RTTN: variants seen among roughly 807,000 people sequenced by gnomAD.
RTTN encodes the protein rotatin.
In RTTN, 182 loss-of-function variants were observed where a neutral mutation model predicts 269.2. The ratio of observed to expected loss-of-function variants is 0.68; its 90% CI spans 0.60 to 0.76. The LOEUF (loss-of-function observed/expected upper bound fraction) is 0.76. RTTN is among the 30% of genes least tolerant of loss of function. The pLI is 0.00. For synonymous variants in RTTN, 1,006 were observed against 963.5 expected (o/e 1.04, Z -0.82); for missense variants, 2,545 against 2,608.6 (o/e 0.98, Z 0.53).
Position 70,073,902 on chromosome 18 carries a change from G to A in RTTN, c.4653+4C>T, listed in dbSNP as rs766665013. The A allele has an allele frequency of 6.2e-7, 1 of 1,604,214 alleles. No individual in the cohort carries two copies. The highest frequency in any genetic ancestry group is 8.5e-7 in the Non-Finnish European group (1 of 1,171,664). On this transcript the variant is annotated splice_donor_region_variant and intron_variant, in intron 34 of 48. Coordinates refer to ENST00000640769, the MANE Select transcript of RTTN (RefSeq NM_173630.4). ...TAAAGGACTTATGCATTCTTTGCAA[G>A]TACCGTTGTTTCTGAGGTGGAGAGA...
At chr18:70,184,551 T>TA (rs901229835) in intron 10 of RTTN, among the ~76,000 whole-genome samples, 25 of 151,272 alleles carry the variant, frequency 1.7e-4, no homozygotes, top group Middle Eastern at 3.2e-3. Flanking sequence ...GATTCCATGT[T>TA]AAAAAAAATA....
intron 48 of RTTN, 71 bp from the exon 49 acceptor site, chr18:70,004,307 CAT>C: frequency 1.0e-6 from 1 of 991,246 alleles, no homozygotes; most frequent in Non-Finnish European, 1.6e-6. Flanking sequence ...GAGGCACACA[CAT>C]AAACAAATAC....
chr18:70,169,383 T>C (rs1156795147), intron 11 of RTTN, among the ~76,000 whole-genome samples: 2 of 152,216 alleles, frequency 1.3e-5, no homozygotes, highest in African/African-American at 4.8e-5. Flanking sequence ...ACCTCTGCTA[T>C]TGAACTAAGG....
At chr18:70,122,258 A>C (rs1599657718) in intron 25 of RTTN, among the ~76,000 whole-genome samples, 1 of 142,054 alleles carries the variant, frequency 7.0e-6, no homozygotes, top group Non-Finnish European at 1.6e-5. Flanking sequence ...AGATTTCTTT[A>C]AAAAAAAAAA....
intron 45 of RTTN, chr18:70,019,962 G>A (rs2056653885): frequency 6.6e-6 from 1 of 152,186 alleles, no homozygotes; most frequent in Non-Finnish European, 1.5e-5. Context: ...TACAATACTA[G>A]TAAGTAGTAT....
At chr18:70,019,690 T>C (rs2056646794) in intron 45 of RTTN, 1 of 152,180 alleles carries the variant, frequency 6.6e-6, no homozygotes, top group South Asian at 2.1e-4. Flanking sequence ...TTTATAAAAT[T>C]CCTGCAAATT....
At chr18:70,107,379 T>C (rs763313112) in intron 28 of RTTN, among the ~76,000 whole-genome samples, 1 of 152,234 alleles carries the variant, frequency 6.6e-6, no homozygotes, top group Non-Finnish European at 1.5e-5. Flanking sequence ...AAGATTTAGA[T>C]TGGCTGTAGT....
At position 70,128,302 on chromosome 18, in the gene RTTN, T is replaced by G. The variant is rs2059916645; in HGVS notation, c.3143+56A>C. 3.5e-6 allele frequency: 5 copies of G among 1,434,058 alleles called. No homozygotes were observed. In the South Asian group the frequency reaches 6.7e-5, roughly 19 times the overall value. 88.8% of individuals were successfully genotyped at this position (1,434,058 alleles called of 1,614,324 possible). A position where few individuals can be genotyped will look rare whatever the true frequency, so the allele number is the denominator to read the frequency against. ...ACCTAAGGAAAAAGTAAAACTTAAC[T>G]AATTAATTACAATTAATTAATTGCA... is the stretch of plus-strand genomic sequence containing the variant. On this transcript the variant is annotated intron_variant, in intron 24 of 48. Coordinates refer to ENST00000640769, the MANE Select transcript of RTTN (RefSeq NM_173630.4).
intron 40 of RTTN, among the ~76,000 whole-genome samples, chr18:70,046,473 T>C (rs2057494685): frequency 6.6e-6 from 1 of 152,148 alleles, no homozygotes; most frequent in Admixed American, 6.5e-5. Flanking sequence ...TATAATTAAA[T>C]TACATAGGGG....
At chr18:70,167,890 T>C (rs1351995590) in intron 12 of RTTN, among the ~76,000 whole-genome samples, 1 of 152,116 alleles carries the variant, frequency 6.6e-6, no homozygotes, top group Non-Finnish European at 1.5e-5. Context: ...CTAACACCTT[T>C]AATCCTAGCA....
At position 70,128,470 on chromosome 18, in the gene RTTN, A is replaced by C; in HGVS notation, c.3031T>G (p.Cys1011Gly). ...YSIVLPLSAD[C>G]LALKPVSDML... ...TCTGACACCGGCTTCAAGGCCAAAC[A>C]ATCAGCAGATAAGGGCAAAACTATG... Residue 1011 changes from cysteine to glycine, a missense_variant, in exon 24 of 49, where the codon TGT becomes GGT. Coordinates refer to ENST00000640769, the MANE Select transcript of RTTN (RefSeq NM_173630.4). The C allele has an allele frequency of 6.2e-7, 1 of 1,613,308 alleles. No individual in the cohort carries two copies. The highest frequency in any genetic ancestry group is 8.5e-7 in the Non-Finnish European group (1 of 1,179,548).
chr18:70,204,142 A>G lies in RTTN; in HGVS notation c.341T>C (p.Leu114Pro). 4 of 1,614,134 alleles carry G rather than the reference A, an allele frequency of 2.5e-6. No homozygotes were observed. The highest frequency in any genetic ancestry group is 1.3e-5 in the African/African-American group (1 of 75,052). Residue 114 changes from leucine (L) to proline (P), a missense_variant, in exon 3 of 49, where the codon CTT becomes CCT. By Grantham distance (98) the Leu-to-Pro change is moderately conservative. Transcript: ENST00000640769. Reference protein sequence around the residue: ...EIDGILDGLFLLPSEVPALSS... With the variant: ...EIDGILDGLFPLPSEVPALSS... ...TAGTGCAGGAACTTCCGAAGGAAGA[A>G]GAAAAAGTCCATCCAGAATGCCATC...
At chr18:70,110,865 G>T (rs2059446896) in intron 27 of RTTN, among the ~76,000 whole-genome samples, 1 of 152,226 alleles carries the variant, frequency 6.6e-6, no homozygotes, top group Admixed American at 6.5e-5. Context: ...TGGGACGCTA[G>T]AGCTTGGTGA....
At chr18:70,141,778 AT>A (rs1429482818) in intron 19 of RTTN, among the ~76,000 whole-genome samples, 2 of 152,216 alleles carry the variant, frequency 1.3e-5, no homozygotes, top group Non-Finnish European at 2.9e-5. Context: ...ATTTAAAAAA[AT>A]AAAAATAAAC....
At chr18:70,181,664 C>T (rs1255635323) in intron 10 of RTTN, among the ~76,000 whole-genome samples, 3 of 152,070 alleles carry the variant, frequency 2.0e-5, no homozygotes, top group Non-Finnish European at 4.4e-5. Context: ...TTGATAGCAA[C>T]ATTTATTATT....
chr18:70,136,361 T>C (rs949334901), intron 21 of RTTN, among the ~76,000 whole-genome samples: 3 of 151,962 alleles, frequency 2.0e-5, no homozygotes, highest in Non-Finnish European at 2.9e-5. Context: ...CCAACTGCCA[T>C]AACAGAAAAG....
intron 46 of RTTN, among the ~76,000 whole-genome samples, chr18:70,014,111 T>C (rs1004337130): frequency 1.3e-5 from 2 of 152,368 alleles, no homozygotes; most frequent in East Asian, 1.9e-4. Flanking sequence ...GAAATATTTA[T>C]ATCTTGCTAT....
At chr18:70,017,781 T>A in intron 45 of RTTN, 107 bp from the exon 46 acceptor site, 1 of 808,968 alleles carries the variant, frequency 1.2e-6, no homozygotes, top group Non-Finnish European at 1.9e-6. Flanking sequence ...CCCTCTACAT[T>A]AATTTCTCCT....
At chr18:70,092,842 T>C (rs1408537935) in intron 28 of RTTN, 38 bp from the exon 29 acceptor site, 1 of 1,570,598 alleles carries the variant, frequency 6.4e-7, no homozygotes. Context: ...GGTGGCTTTA[T>C]TCTCAATGGT....
Sources: allele counts gnomAD v4.1 joint callset (sites outside exome capture counted in the v4.1 genomes callset), GRCh38; gene constraint gnomAD v4.1.1; transcripts MANE v1.5; gene names NCBI Gene and HGNC (gene_info 2026-07-23, HGNC 2026-07-21).